The following GULP1 variants were observed in gnomAD, a reference collection of about 807,000 sequenced individuals.
GULP1 encodes PTB domain-containing engulfment adapter protein 1.
A neutral mutation model predicts 40.9 loss-of-function variants in GULP1; 19 were observed. The ratio of observed to expected loss-of-function variants is 0.46; its 90% CI spans 0.32 to 0.68. GULP1 has a LOEUF of 0.68. Ranked by LOEUF, GULP1 falls within the 30% of genes least tolerant of loss-of-function variation. GULP1 has a pLI of 0.03. For synonymous variants in GULP1, 119 were observed against 117.6 expected, an observed-to-expected ratio of 1.01 and a Z score of -0.08; for missense variants, 312 against 362.2, an observed-to-expected ratio of 0.86 and a Z score of 1.12.
chr2:188,572,242 C>T (rs1308365102), intron 9 of GULP1, among the ~76,000 whole-genome samples: 5 of 152,064 alleles, frequency 3.3e-5, no homozygotes, highest in Admixed American at 3.3e-4. Flanking sequence ...TGAAACATAG[C>T]CTATTCATAA....
chr2:188,593,362 G>C lies in GULP1; in HGVS notation c.844-578G>C, dbSNP rs1182138373. On this transcript the variant is annotated intron_variant, in intron 11 of 11. Transcript: ENST00000409830. ...CTTAACTTCTAAAATATGCAAGGAAGAGTAGGAGTCAAAGAAGCCAGTCCG... is the reference window on the plus strand; with the variant it reads ...CTTAACTTCTAAAATATGCAAGGAACAGTAGGAGTCAAAGAAGCCAGTCCG... 2.6e-5 allele frequency: 4 copies of C among 152,102 alleles called. 1 individual carries two copies. The highest frequency in any genetic ancestry group is 9.7e-5 in the African/African-American group (4 of 41,442). 9.4% of individuals were successfully genotyped at this position (152,102 alleles called of 1,614,324 possible).
chr2:188,478,166 G>A (rs2061175500), intron 3 of GULP1, among the ~76,000 whole-genome samples: 1 of 151,984 alleles, frequency 6.6e-6, no homozygotes, highest in African/African-American at 2.4e-5. Flanking sequence ...AGGATTGGTA[G>A]TAGATAGATT....
chr2:188,559,311 G>C (rs903758247), intron 7 of GULP1, among the ~76,000 whole-genome samples: 12 of 152,192 alleles, frequency 7.9e-5, no homozygotes, highest in Non-Finnish European at 1.6e-4. Context: ...CAAGCCCCAA[G>C]CCTTGGCAGC....
At chr2:188,312,760 C>A (rs950004096) in intron 1 of GULP1, among the ~76,000 whole-genome samples, 9 of 152,192 alleles carry the variant, frequency 5.9e-5, no homozygotes, top group African/African-American at 2.2e-4. Context: ...TACATTCCCC[C>A]CAACACTGTA....
chr2:188,527,130 C>CT (rs1686373346), intron 5 of GULP1, among the ~76,000 whole-genome samples: 2 of 152,108 alleles, frequency 1.3e-5, no homozygotes. Context: ...TCCTTCCTTT[C>CT]TTTAATTCTT....
chr2:188,480,456 G>GT (rs548972577), intron 3 of GULP1, among the ~76,000 whole-genome samples: 35 of 147,614 alleles, frequency 2.4e-4, no homozygotes, highest in South Asian at 1.9e-3. Context: ...ACATAATTGT[G>GT]TTTTTTTTTT....
intron 2 of GULP1, among the ~76,000 whole-genome samples, chr2:188,428,202 A>G (rs2056448209): frequency 6.6e-6 from 1 of 152,202 alleles, no homozygotes; most frequent in South Asian, 2.1e-4. Flanking sequence ...ATATCTTGGA[A>G]GGAACTAACT....
At chr2:188,323,536 T>C (rs1308287548) in intron 1 of GULP1, among the ~76,000 whole-genome samples, 1 of 152,056 alleles carries the variant, frequency 6.6e-6, no homozygotes, top group African/African-American at 2.4e-5. Context: ...TGAAGAATCC[T>C]CAATTTTTTT....
intron 7 of GULP1, among the ~76,000 whole-genome samples, chr2:188,568,794 A>G (rs1205273343): frequency 1.3e-5 from 2 of 152,212 alleles, no homozygotes; most frequent in African/African-American, 4.8e-5. Context: ...TTACCTGCTT[A>G]GGGTTTAACA....
At chr2:188,575,363 A>G (rs879378062) in intron 9 of GULP1, among the ~76,000 whole-genome samples, 3 of 152,182 alleles carry the variant, frequency 2.0e-5, no homozygotes, top group Non-Finnish European at 4.4e-5. Context: ...TTTGGTTTTT[A>G]CAGTTTATGT....
chr2:188,500,317 A>G (rs2153146344), intron 4 of GULP1, among the ~76,000 whole-genome samples: 1 of 152,042 alleles, frequency 6.6e-6, no homozygotes, highest in South Asian at 2.1e-4. Flanking sequence ...ATAGCAAAAT[A>G]AGGGACACAG....
Position 188,492,349 on chromosome 2 carries a change from A to G in GULP1, c.90+8857A>G, listed in dbSNP as rs540628056. Among the ~76,000 whole-genome samples, 12 of 152,218 alleles carry G rather than the reference A, an allele frequency of 7.9e-5. No individual in the cohort carries two copies. The Middle Eastern group carries it at 0.01, about 129-fold the overall frequency. On this transcript the variant is annotated intron_variant, in intron 4 of 11. Coordinates refer to ENST00000409830, the MANE Select transcript of GULP1 (RefSeq NM_016315.4). ...GAATTAAACACATTGCTCAAACTCT[A>G]TCAGGCAGAAATAACCCAGTATAGA...
At chr2:188,463,626 A>G (rs1239457033) in intron 2 of GULP1, among the ~76,000 whole-genome samples, 1 of 152,018 alleles carries the variant, frequency 6.6e-6, no homozygotes, top group Non-Finnish European at 1.5e-5. Context: ...TTTAAGGCTA[A>G]TAACTCTTAG....
At position 188,487,104 on chromosome 2, in the gene GULP1, A is replaced by G. The variant is rs1029151615; in HGVS notation, c.90+3612A>G. 2.0e-5 allele frequency among the ~76,000 whole-genome samples: 3 copies of G among 152,144 alleles called. No homozygotes were observed. The East Asian group carries it at 5.8e-4, about 29-fold the overall frequency. ...AAAATTCTGTTCCCTTCAATTTTTT[A>G]TGAGAATGCTAAACTCTCTTTTCTA... On this transcript the variant is annotated intron_variant, in intron 4 of 11. Transcript: ENST00000409830.
intron 2 of GULP1, among the ~76,000 whole-genome samples, chr2:188,466,185 C>A (rs555506022): frequency 6.6e-6 from 1 of 152,130 alleles, no homozygotes; most frequent in Admixed American, 6.5e-5. Flanking sequence ...TTGTAGAGCT[C>A]TCAATATCAT....
intron 7 of GULP1, among the ~76,000 whole-genome samples, chr2:188,562,781 C>G (rs1696641746): frequency 6.6e-6 from 1 of 152,090 alleles, no homozygotes; most frequent in South Asian, 2.1e-4. Context: ...ATACTATATG[C>G]TGGGCCATAA....
At chr2:188,588,518 A>T (rs1211763543) in intron 11 of GULP1, 1 of 154,792 alleles carries the variant, frequency 6.5e-6, no homozygotes. Context: ...AGTTTACAGA[A>T]ATTGGTTTTA....
intron 2 of GULP1, among the ~76,000 whole-genome samples, chr2:188,456,712 G>A (rs1176784595): frequency 6.6e-6 from 1 of 152,178 alleles, no homozygotes; most frequent in Admixed American, 6.5e-5. Context: ...GGAGCTGTGA[G>A]AAGAGTGCCA....
chr2:188,306,286 A>C (rs1289888759), intron 1 of GULP1, among the ~76,000 whole-genome samples: 1 of 152,186 alleles, frequency 6.6e-6, no homozygotes, highest in Non-Finnish European at 1.5e-5. Flanking sequence ...GGTAGTCTAA[A>C]ATTTAACTTT....
Sources: allele counts gnomAD v4.1 joint callset (sites outside exome capture counted in the v4.1 genomes callset), GRCh38; gene constraint gnomAD v4.1.1; transcripts MANE v1.5; gene names NCBI Gene and HGNC (gene_info 2026-07-23, HGNC 2026-07-21).